PPFIA1: variants seen among roughly 807,000 people sequenced by gnomAD.
PPFIA1 encodes the protein PPFI scaffold protein A1.
Under a neutral mutation model 149.9 loss-of-function variants are expected in PPFIA1, and 25 were observed. That is an observed-to-expected ratio of 0.17 (90% confidence interval 0.12 to 0.23). The LOEUF is 0.23. Among genes scored for constraint, PPFIA1 ranks in the 10% least tolerant of loss-of-function variants. The probability of loss-of-function intolerance (pLI) is 1.00; values close to 1 mark genes in which losing one functional copy is unlikely to be tolerated. For synonymous variants in PPFIA1, 549 were observed against 552.8 expected, an observed-to-expected ratio of 0.99 and a Z score of 0.10; for missense variants, 1,362 against 1,506.5, an observed-to-expected ratio of 0.90 and a Z score of 1.59.
In PPFIA1 at chr11:70,324,391, T is replaced by TG; in HGVS notation, c.265-10dup. On this transcript the variant is annotated splice_polypyrimidine_tract_variant and intron_variant, in intron 2 of 27. Coordinates refer to ENST00000253925, the MANE Select transcript of PPFIA1 (RefSeq NM_003626.5). The stretch of plus-strand genomic sequence containing the variant: ...TTCTTATTTATTTAATTTTGTTTTG[T>TG]GATTTTCTAGGAGTTCGCAGCACTT... 1.9e-6 allele frequency: 3 copies of TG among 1,584,902 alleles called. No individual in the cohort carries two copies. Among genetic ancestry groups the TG allele is most frequent in the Non-Finnish European group, 2.6e-6 (3 of 1,160,486 alleles).
At position 70,337,555 on chromosome 11, in the gene PPFIA1, T is replaced by C. The variant is rs144291034; in HGVS notation, c.1491+128T>C. 5.2e-6 allele frequency: 3 copies of C among 582,126 alleles called. No homozygotes were observed. In the African/African-American group the frequency reaches 5.9e-5, roughly 11 times the overall value. The allele number at this position is 582,126 out of a possible 1,614,324, so 36.1% of individuals were successfully genotyped here. A position where few individuals can be genotyped will look rare whatever the true frequency, so the allele number is the denominator to read the frequency against. ...GGCTCTCATAGTCCACTGCCATAAG[T>C]TTCTAGCACTCTCAGGCTTGTATGT... On this transcript the variant is annotated intron_variant, in intron 12 of 27. Transcript: ENST00000253925.
rs763182939 is a variant in PPFIA1 at position 70,337,441 on chromosome 11, C to A, written c.1491+14C>A. On this transcript the variant is annotated intron_variant, in intron 12 of 27. Coordinates refer to ENST00000253925, the MANE Select transcript of PPFIA1 (RefSeq NM_003626.5). ...CAACACGATAAGGTACTGAAATCTT[C>A]TCTAAATCCATGAAGAGCCAAGTTG... 5 of 1,567,912 alleles carry A rather than the reference C, an allele frequency of 3.2e-6. No individual in the cohort carries two copies. In the South Asian group the frequency reaches 5.9e-5, roughly 18 times the overall value.
At chr11:70,355,520 C>G in intron 17 of PPFIA1, 119 bp from the exon 18 acceptor site, 1 of 982,962 alleles carries the variant, frequency 1.0e-6, no homozygotes, top group Admixed American at 2.9e-5. Flanking sequence ...GCATGATGCA[C>G]TTGGTGAGGA....
chr11:70,374,866 A>G, intron 23 of PPFIA1, 52 bp from the exon 24 acceptor site: 1 of 1,531,688 alleles, frequency 6.5e-7, no homozygotes, highest in East Asian at 2.3e-5. Context: ...GGTACATGTG[A>G]TAAAGATGGC....
intron 5 of PPFIA1, 113 bp downstream of exon 5, chr11:70,325,687 T>C: frequency 1.3e-6 from 1 of 790,378 alleles, no homozygotes; most frequent in East Asian, 2.8e-5. Flanking sequence ...ATCCCAGCAC[T>C]TTGGGAGACC....
intron 17 of PPFIA1, 104 bp from the exon 18 acceptor site, chr11:70,355,533 ATG>A: frequency 9.3e-7 from 1 of 1,070,900 alleles, no homozygotes; most frequent in Non-Finnish European, 1.3e-6. Context: ...GGTGAGGAAG[ATG>A]TGTGTGAAAG....
chr11:70,339,435 TCTGA>T (rs1197601601), intron 14 of PPFIA1, 129 bp downstream of exon 14: 13 of 1,144,924 alleles, frequency 1.1e-5, no homozygotes, highest in Non-Finnish European at 1.6e-5. Flanking sequence ...TTTTCTATTT[TCTGA>T]CTAAGAGTTT....
At chr11:70,343,616 CTACAACTAATGTTGTTACTT>C in intron 14 of PPFIA1, 33 bp from the exon 15 acceptor site, 1 of 1,482,528 alleles carries the variant, frequency 6.7e-7, no homozygotes. Context: ...ATTTATGTTT[CTACAACTAATGTTGTTACTT>C]TATCTACTGA....
chr11:70,382,183 T>C (rs765569815), intron 27 of PPFIA1, 25 bp downstream of exon 27: 8 of 1,584,942 alleles, frequency 5.0e-6, no homozygotes, highest in Non-Finnish European at 6.9e-6. Context: ...CCACAACCCC[T>C]AGAGATGGCT....
chr11:70,310,157 A>G (rs1012569054), intron 2 of PPFIA1, among the ~76,000 whole-genome samples: 4 of 152,220 alleles, frequency 2.6e-5, no homozygotes, highest in Non-Finnish European at 5.9e-5. Context: ...ATTAAGGATA[A>G]TATAGTTTCA....
At chr11:70,369,177 G>T (rs1049082828) in intron 21 of PPFIA1, among the ~76,000 whole-genome samples, 4 of 151,980 alleles carry the variant, frequency 2.6e-5, no homozygotes, top group African/African-American at 9.7e-5. Context: ...TTACATTTCC[G>T]GAATGCTTGG....
At chr11:70,334,164 ACATC>A (rs992882601) in intron 10 of PPFIA1, among the ~76,000 whole-genome samples, 10 of 152,170 alleles carry the variant, frequency 6.6e-5, no homozygotes, top group African/African-American at 2.4e-4. Context: ...TCAATATGGA[ACATC>A]CAGGAAAAAG....
At chr11:70,356,540 C>T (rs1228730735) in intron 19 of PPFIA1, among the ~76,000 whole-genome samples, 1 of 152,222 alleles carries the variant, frequency 6.6e-6, no homozygotes, top group East Asian at 1.9e-4. Flanking sequence ...GCCCTGGCGC[C>T]TGCCCAGGTT....
At chr11:70,360,119 C>T (rs2056562752) in intron 19 of PPFIA1, among the ~76,000 whole-genome samples, 1 of 152,252 alleles carries the variant, frequency 6.6e-6, no homozygotes, top group Admixed American at 6.5e-5. Flanking sequence ...CCTCTGCCTT[C>T]TCCCTAACTT....
intron 27 of PPFIA1, among the ~76,000 whole-genome samples, chr11:70,382,735 T>C (rs542531278): frequency 2.0e-5 from 3 of 152,336 alleles, no homozygotes; most frequent in East Asian, 1.9e-4. Flanking sequence ...GTTGGAATAT[T>C]TGACTGGTTT....
At chr11:70,285,031 G>A (rs184427502) in intron 2 of PPFIA1, among the ~76,000 whole-genome samples, 104 of 152,172 alleles carry the variant, frequency 6.8e-4, no homozygotes, top group African/African-American at 2.5e-3. Context: ...ATTTAAGATG[G>A]AGTCTTACAC....
intron 10 of PPFIA1, 151 bp downstream of exon 10, chr11:70,333,704 G>A: frequency 1.5e-6 from 1 of 671,658 alleles, no homozygotes; most frequent in Non-Finnish European, 2.7e-6. Flanking sequence ...ACCCTCATCT[G>A]TGAGTCGCCT....
intron 2 of PPFIA1, among the ~76,000 whole-genome samples, chr11:70,316,747 A>G (rs533101982): frequency 2.1e-3 from 317 of 152,364 alleles, no homozygotes; most frequent in Non-Finnish European, 4.0e-3. Context: ...ACTTCAAGCC[A>G]TCGGAATGAC....
Position 70,359,155 on chromosome 11 carries a change from C to T in PPFIA1, c.2582+2901C>T, listed in dbSNP as rs141226722. Among the ~76,000 whole-genome samples the T allele has an allele frequency of 2.8e-3, 430 of 152,270 alleles. 1 individual carries two copies. Among genetic ancestry groups the T allele is most frequent in the African/African-American group, 9.7e-3 (405 of 41,562 alleles). ...CGTTGCCCAGGCTGAAGTGCAGTGG[C>T]GCGTTCACCACTCACTGCAGCCTTG... On this transcript the variant is annotated intron_variant, in intron 19 of 27. Coordinates refer to ENST00000253925, the MANE Select transcript of PPFIA1 (RefSeq NM_003626.5).
Sources: gnomAD v4.1 joint callset for allele counts (sites outside exome capture counted in the v4.1 genomes callset) on GRCh38, gnomAD v4.1.1 for gene constraint, MANE v1.5 for transcripts, NCBI Gene and HGNC (gene_info 2026-07-23, HGNC 2026-07-21) for gene names.